AGMO: variants seen among roughly 807,000 people sequenced by gnomAD.
The protein encoded by AGMO is alkylglycerol monooxygenase.
In AGMO, 75 loss-of-function variants were observed where a neutral mutation model predicts 60.2. That is an observed-to-expected ratio of 1.25 (90% CI 1.03 to 1.51). The LOEUF is 1.51. Among genes scored for constraint, AGMO ranks in the 40% most tolerant of loss-of-function variants. AGMO has a pLI of 0.00. For missense variants in AGMO, 763 were observed against 525.5 expected, an observed-to-expected ratio of 1.45 and a Z score of -4.42; for synonymous variants, 261 against 177.1, an observed-to-expected ratio of 1.47 and a Z score of -3.76.
At chr7:15,273,151 T>A (rs1260200413) in intron 12 of AGMO, among the ~76,000 whole-genome samples, 2 of 152,228 alleles carry the variant, frequency 1.3e-5, no homozygotes, top group Non-Finnish European at 2.9e-5. Context: ...ATTTGTCAAT[T>A]TTGGCTTTTC....
chr7:15,140,748 G>A, the AGMO span, among the ~76,000 whole-genome samples: 1 of 150,588 alleles, frequency 6.6e-6, no homozygotes. Flanking sequence ...TCAAATTTTT[G>A]GATTTTTTTA....
the AGMO span, among the ~76,000 whole-genome samples, chr7:15,161,525 A>G: frequency 7.3e-5 from 11 of 151,706 alleles, no homozygotes; most frequent in African/African-American, 2.7e-4. Context: ...ATTAATGCAT[A>G]TATGGATCAT....
intron 12 of AGMO, among the ~76,000 whole-genome samples, chr7:15,318,050 G>A (rs1171967437): frequency 2.7e-5 from 4 of 148,598 alleles, no homozygotes; most frequent in South Asian, 2.1e-4. Context: ...CTATCACCCA[G>A]GCTGGTGTGC....
chr7:15,417,660 C>T (rs1418764807), intron 5 of AGMO, among the ~76,000 whole-genome samples: 2 of 152,156 alleles, frequency 1.3e-5, no homozygotes, highest in African/African-American at 4.8e-5. Context: ...AATAATGCTA[C>T]ATATGTCCAA....
chr7:15,305,254 A>G (rs987481934), intron 12 of AGMO, among the ~76,000 whole-genome samples: 1 of 151,746 alleles, frequency 6.6e-6, no homozygotes, highest in African/African-American at 2.4e-5. Context: ...AAAAAAAAAA[A>G]AAAAGTTTGA....
At position 15,434,064 on chromosome 7, in the gene AGMO, A is replaced by G. The variant is rs796413826; in HGVS notation, c.410-2956T>C. 7.9e-5 allele frequency among the ~76,000 whole-genome samples: 12 copies of G among 152,192 alleles called. No individual in the cohort carries two copies. The East Asian group carries it at 2.1e-3, about 27-fold the overall frequency. ...TTAATGATTACTGCACTCTAGATAC[A>G]GAACAATTTTATTACCCCAAAGAGT... On this transcript the variant is annotated intron_variant, in intron 3 of 12. Coordinates refer to ENST00000342526, the MANE Select transcript of AGMO (RefSeq NM_001004320.2).
At chr7:15,169,133 A>G in the AGMO span, among the ~76,000 whole-genome samples, 1 of 152,298 alleles carries the variant, frequency 6.6e-6, no homozygotes, top group Non-Finnish European at 1.5e-5. Context: ...GACCTTCTTC[A>G]CTAAGGGAGG....
chr7:15,328,651 C>T (rs1290741883), intron 12 of AGMO, among the ~76,000 whole-genome samples: 1 of 152,184 alleles, frequency 6.6e-6, no homozygotes, highest in Non-Finnish European at 1.5e-5. Context: ...GGGAAACTCA[C>T]ATTTTTATTT....
At chr7:15,345,401 A>G (rs1322188394) in intron 12 of AGMO, among the ~76,000 whole-genome samples, 1 of 152,210 alleles carries the variant, frequency 6.6e-6, no homozygotes, top group Non-Finnish European at 1.5e-5. Context: ...TTGTGAAAGC[A>G]GCATGGTGAA....
intron 4 of AGMO, among the ~76,000 whole-genome samples, chr7:15,422,273 GTTTA>G (rs1780946907): frequency 6.7e-6 from 1 of 150,152 alleles, no homozygotes; most frequent in Non-Finnish European, 1.5e-5. Context: ...GATATTACCT[GTTTA>G]TTTTTTTTTA....
intron 12 of AGMO, among the ~76,000 whole-genome samples, chr7:15,227,356 G>A (rs1053467930): frequency 2.6e-5 from 4 of 151,948 alleles, no homozygotes; most frequent in African/African-American, 7.3e-5. Flanking sequence ...ATCAAGCTGT[G>A]TATATGGTTA....
At chr7:15,531,515 A>C (rs1395673439) in intron 3 of AGMO, among the ~76,000 whole-genome samples, 3 of 48,100 alleles carry the variant, frequency 6.2e-5, no homozygotes, top group Non-Finnish European at 1.1e-4. Context: ...TATATTCTCT[A>C]TATATATTCT....
chr7:15,353,152 ACTT>A (rs1242638589), intron 12 of AGMO, among the ~76,000 whole-genome samples: 1 of 152,166 alleles, frequency 6.6e-6, no homozygotes, highest in African/African-American at 2.4e-5. Flanking sequence ...GGTGGAAATA[ACTT>A]CTTAGGAGTA....
At chr7:15,333,514 C>T (rs1424715487) in intron 12 of AGMO, among the ~76,000 whole-genome samples, 1 of 149,792 alleles carries the variant, frequency 6.7e-6, no homozygotes, top group Non-Finnish European at 1.5e-5. Flanking sequence ...CTGTGTTTAG[C>T]ATGTTGATGT....
intron 12 of AGMO, chr7:15,358,400 G>C (rs868430510): frequency 4.2e-6 from 2 of 471,120 alleles, no homozygotes; most frequent in Middle Eastern, 6.5e-4. Flanking sequence ...ATAATAAGAA[G>C]GCATAATAAT....
intron 8 of AGMO, among the ~76,000 whole-genome samples, chr7:15,390,406 G>C (rs1460820667): frequency 1.3e-5 from 2 of 152,176 alleles, no homozygotes; most frequent in Non-Finnish European, 1.5e-5. Flanking sequence ...GGTCCATTCT[G>C]AGAAAGGATA....
At chr7:15,260,875 C>A (rs1274575056) in intron 12 of AGMO, among the ~76,000 whole-genome samples, 1 of 151,754 alleles carries the variant, frequency 6.6e-6, no homozygotes, top group Non-Finnish European at 1.5e-5. Context: ...CTCAAAACCA[C>A]GCAAATACAT....
intron 12 of AGMO, among the ~76,000 whole-genome samples, chr7:15,316,963 CTCTG>C (rs932138347): frequency 6.6e-6 from 1 of 152,132 alleles, no homozygotes; most frequent in African/African-American, 2.4e-5. Flanking sequence ...GCTTTTTGCT[CTCTG>C]TAATTGGCAG....
intron 3 of AGMO, among the ~76,000 whole-genome samples, chr7:15,450,628 T>C (rs1354513247): frequency 5.3e-5 from 8 of 152,182 alleles, no homozygotes; most frequent in Non-Finnish European, 1.0e-4. Flanking sequence ...TTGGTTTGTC[T>C]ATTCATAATC....
Sources: allele counts gnomAD v4.1 joint callset (sites outside exome capture counted in the v4.1 genomes callset), GRCh38; gene constraint gnomAD v4.1.1; transcripts MANE v1.5; gene names NCBI Gene and HGNC (gene_info 2026-07-23, HGNC 2026-07-21).